Variants in PPM1B observed in about 807,000 individuals in gnomAD.
PPM1B encodes protein phosphatase, Mg2+/Mn2+ dependent 1B.
A neutral mutation model predicts 43.0 loss-of-function variants in PPM1B; 22 were observed. The observed-to-expected ratio is 0.51, with a 90% CI of 0.37 to 0.73. The LOEUF is 0.73. Among genes scored for constraint, PPM1B ranks in the 30% least tolerant of loss-of-function variants. PPM1B has a pLI of 0.00. For missense variants in PPM1B, 632 were observed against 584.2 expected, an observed-to-expected ratio of 1.08 and a Z score of -0.84; for synonymous variants, 217 against 197.9, an observed-to-expected ratio of 1.10 and a Z score of -0.81.
At chr2:44,242,534 C>G (rs1019314887) in intron 5 of PPM1B, among the ~76,000 whole-genome samples, 1 of 152,068 alleles carries the variant, frequency 6.6e-6, no homozygotes, top group African/African-American at 2.4e-5. Flanking sequence ...AATTCAGTGT[C>G]CTAAATTGCC....
In PPM1B at chr2:44,201,812, T is replaced by A; in HGVS notation, c.613T>A (p.Tyr205Asn). The A allele has an allele frequency of 6.2e-7, 1 of 1,614,226 alleles. No individual in the cohort carries two copies. Among genetic ancestry groups the A allele is most frequent in the South Asian group, 1.1e-5 (1 of 91,090 alleles). ...SLAVSRALGD[Y>N]DYKCVDGKGP... ...AGCAGTATCTCGTGCTCTGGGGGAC[T>A]ATGATTACAAGTGTGTTGATGGCAA... Residue 205 changes from tyrosine to asparagine, a missense_variant, in exon 2 of 6, where the codon TAT becomes AAT. This residue lies in a region of PPM1B where 40 missense variants were observed against 80.8 expected (regional missense o/e 0.50). Transcript: ENST00000282412. The surrounding 1 kb of genome is among the most constrained non-coding windows in gnomAD (Gnocchi z 5.4).
chr2:44,214,377 T>G (rs569038821), intron 3 of PPM1B, among the ~76,000 whole-genome samples: 3 of 147,294 alleles, frequency 2.0e-5, no homozygotes, highest in South Asian at 2.1e-4. Flanking sequence ...CCCCATAGAG[T>G]TTTTTTTTTT....
At chr2:44,193,673 A>G (rs1016865550) in intron 1 of PPM1B, among the ~76,000 whole-genome samples, 55 of 144,278 alleles carry the variant, frequency 3.8e-4, no homozygotes, top group African/African-American at 1.2e-3. Flanking sequence ...TCTGTCTCTC[A>G]GGTTCAAGTG....
At chr2:44,228,353 T>C (rs1245141356) in intron 5 of PPM1B, among the ~76,000 whole-genome samples, 1 of 152,078 alleles carries the variant, frequency 6.6e-6, no homozygotes, top group African/African-American at 2.4e-5. Flanking sequence ...TAAACATTTT[T>C]TGTAGAGATA....
chr2:44,220,150 T>A (rs1159689728), intron 5 of PPM1B, among the ~76,000 whole-genome samples: 2 of 152,024 alleles, frequency 1.3e-5, no homozygotes, highest in African/African-American at 4.8e-5. Context: ...CTACCTTGAT[T>A]AGAGGAAATA....
chr2:44,173,404 CT>C (rs1260108055), intron 1 of PPM1B, among the ~76,000 whole-genome samples: 2 of 151,802 alleles, frequency 1.3e-5, no homozygotes, highest in Non-Finnish European at 2.9e-5. Context: ...TTTTAGTTTT[CT>C]TTTTTCATTT....
downstream of PPM1B, chr2:44,234,045 A>T: frequency 3.1e-6 from 3 of 974,652 alleles, no homozygotes; most frequent in Non-Finnish European, 2.4e-6. Context: ...ACCTAAATAA[A>T]GAATTGATAA....
rs1314228632 is a variant in PPM1B, at chr2:44,216,560, G to C, written c.965-1407G>C. On this transcript the variant is annotated intron_variant, in intron 3 of 5. Transcript: ENST00000282412. ...GTCATGCATATGGGAGTGTATTGCA[G>C]TGTACCTACTCAGACTTAGGTCAGA... Among the ~76,000 whole-genome samples, 4 of 152,184 alleles carry C rather than the reference G, an allele frequency of 2.6e-5. No individual in the cohort carries two copies. The East Asian group carries it at 7.7e-4, about 29-fold the overall frequency.
intron 3 of PPM1B, among the ~76,000 whole-genome samples, chr2:44,211,352 A>G (rs1669458059): frequency 6.6e-6 from 1 of 152,112 alleles, no homozygotes; most frequent in Admixed American, 6.5e-5. Flanking sequence ...ACATTTTTCA[A>G]GAGTACAGGT....
chr2:44,195,772 A>G (rs926192164), intron 1 of PPM1B, among the ~76,000 whole-genome samples: 6 of 152,212 alleles, frequency 3.9e-5, no homozygotes, highest in Non-Finnish European at 5.9e-5. Context: ...AACAAGACTT[A>G]GTGACTTTCT....
chr2:44,180,040 C>G (rs1413294417), intron 1 of PPM1B, among the ~76,000 whole-genome samples: 3 of 71,676 alleles, frequency 4.2e-5, no homozygotes, highest in African/African-American at 1.3e-4. Context: ...ACTTTAACCT[C>G]AAGTCAACTC....
rs183014454 is a variant in PPM1B at position 44,217,380 on chromosome 2, C to T, written c.965-587C>T. On this transcript the variant is annotated intron_variant, in intron 3 of 5. Transcript: ENST00000282412. Reference sequence around the variant, plus strand: ...CGCCATTGCACTCCAGCCTGGGCAACAAGAGTGAAACTCCGTCTCAAAAAA... The same window carrying T: ...CGCCATTGCACTCCAGCCTGGGCAATAAGAGTGAAACTCCGTCTCAAAAAA... 3.0e-3 allele frequency among the ~76,000 whole-genome samples: 427 copies of T among 140,260 alleles called. 7 individuals carry two copies. The highest frequency in any genetic ancestry group is 3.9e-3 in the East Asian group (19 of 4,858). 92.0% of individuals were successfully genotyped at this position (140,260 alleles called of 152,430 possible). A position where few individuals can be genotyped will look rare whatever the true frequency, so the allele number is the denominator to read the frequency against.
At chr2:44,229,662 A>G (rs1026630248) in intron 5 of PPM1B, among the ~76,000 whole-genome samples, 4 of 152,206 alleles carry the variant, frequency 2.6e-5, no homozygotes, top group African/African-American at 9.6e-5. Context: ...TTTATAATGC[A>G]TCATATCAAG....
intron 1 of PPM1B, among the ~76,000 whole-genome samples, chr2:44,185,805 A>G (rs890660841): frequency 3.3e-5 from 5 of 152,194 alleles, no homozygotes; most frequent in Admixed American, 1.3e-4. Flanking sequence ...TTATTCAGCA[A>G]TTATAATGAA....
chr2:44,184,548 C>G (rs887474555), intron 1 of PPM1B, among the ~76,000 whole-genome samples: 1 of 152,156 alleles, frequency 6.6e-6, no homozygotes, highest in Non-Finnish European at 1.5e-5. Flanking sequence ...TTTATGTCTT[C>G]ATTCTTGATC....
intron 5 of PPM1B, among the ~76,000 whole-genome samples, chr2:44,241,718 C>A (rs1029991423): frequency 2.0e-5 from 3 of 151,744 alleles, no homozygotes; most frequent in Non-Finnish European, 2.9e-5. Context: ...GATGACAGAG[C>A]AAGACCCTGT....
intron 1 of PPM1B, among the ~76,000 whole-genome samples, chr2:44,199,983 A>T (rs1668857673): frequency 6.6e-6 from 1 of 152,200 alleles, no homozygotes; most frequent in African/African-American, 2.4e-5. Flanking sequence ...ATGGAGGTAA[A>T]TTGATCTAGA....
At chr2:44,231,655 ATTC>A (rs1487017194), downstream of PPM1B, among the ~76,000 whole-genome samples, 3 of 152,144 alleles carry the variant, frequency 2.0e-5, no homozygotes, top group Non-Finnish European at 4.4e-5. Context: ...ACTTAAATCT[ATTC>A]TTTTTCTTAT....
Position 44,196,660 on chromosome 2 carries a change from A to C in PPM1B, c.-14-4526A>C, listed in dbSNP as rs578262761. Among the ~76,000 whole-genome samples, 5 of 152,350 alleles carry C rather than the reference A, an allele frequency of 3.3e-5. No homozygotes were observed. The South Asian group carries it at 1.0e-3, about 32-fold the overall frequency. On this transcript the variant is annotated intron_variant, in intron 1 of 5. Coordinates refer to ENST00000282412, the MANE Select transcript of PPM1B (RefSeq NM_002706.6). ...CTTCTGCATTAAAGGTTTGTCTGGT[A>C]TCCCCATTCATTTACGTATTCAGTC...
Sources: allele counts gnomAD v4.1 joint callset (sites outside exome capture counted in the v4.1 genomes callset), GRCh38; gene constraint gnomAD v4.1.1; regional missense constraint gnomAD v4.1.1; non-coding constraint Gnocchi (gnomAD v3.1); transcripts MANE v1.5; gene names NCBI Gene and HGNC (gene_info 2026-07-23, HGNC 2026-07-21).